Variants in CACUL1 observed in about 807,000 individuals in gnomAD.
CACUL1 encodes the protein CDK2-associated and cullin domain-containing protein 1.
CACUL1 carries 13 observed loss-of-function variants against 45.2 expected under a neutral mutation model. The observed-to-expected ratio is 0.29, with a 90% CI of 0.19 to 0.46. The LOEUF is 0.46. CACUL1 is among the 20% of genes least tolerant of loss of function. The probability of loss-of-function intolerance (pLI) is 1.00; values close to 1 mark genes in which losing one functional copy is unlikely to be tolerated. For missense variants in CACUL1, 421 were observed against 471.4 expected (o/e 0.89, Z 0.99); for synonymous variants, 197 against 174.2 (o/e 1.13, Z -1.03).
intron 1 of CACUL1, among the ~76,000 whole-genome samples, chr10:118,739,725 A>C (rs1239820466): frequency 6.6e-6 from 1 of 152,250 alleles, no homozygotes; most frequent in East Asian, 1.9e-4. Flanking sequence ...CACTGGCCCT[A>C]AGCAATAAAC....
At chr10:118,740,347 C>T (rs1845780400) in intron 1 of CACUL1, among the ~76,000 whole-genome samples, 1 of 152,078 alleles carries the variant, frequency 6.6e-6, no homozygotes. Context: ...CAGTGGCTCA[C>T]ACCTGTAATC....
chr10:118,715,168 C>T (rs933447370), intron 3 of CACUL1, among the ~76,000 whole-genome samples: 3 of 151,978 alleles, frequency 2.0e-5, no homozygotes, highest in African/African-American at 7.3e-5. Context: ...TTTCAGTTGT[C>T]CAGTTTAAAT....
intron 3 of CACUL1, among the ~76,000 whole-genome samples, chr10:118,715,839 G>T (rs951022684): frequency 6.6e-6 from 1 of 152,166 alleles, no homozygotes; most frequent in African/African-American, 2.4e-5. Flanking sequence ...AGACAAGAAG[G>T]GATGGAAGAG....
intron 3 of CACUL1, among the ~76,000 whole-genome samples, chr10:118,717,803 T>C (rs1845561738): frequency 6.6e-6 from 1 of 152,126 alleles, no homozygotes; most frequent in Non-Finnish European, 1.5e-5. Flanking sequence ...TTCCATGGGT[T>C]TCCACTGGGT....
At chr10:118,693,978 A>C (rs7923434) in intron 6 of CACUL1, among the ~76,000 whole-genome samples, 30 of 152,000 alleles carry the variant, frequency 2.0e-4, no homozygotes, top group African/African-American at 2.7e-4. Flanking sequence ...GCAGTGGTAC[A>C]ATCAGCTCAG....
chr10:118,704,749 A>G (rs1424714648), intron 4 of CACUL1, among the ~76,000 whole-genome samples: 2 of 152,240 alleles, frequency 1.3e-5, no homozygotes, highest in Non-Finnish European at 2.9e-5. Context: ...AGACTCAGAC[A>G]CAAGGTGGGG....
chr10:118,719,024 T>C (rs1163566374), intron 3 of CACUL1, among the ~76,000 whole-genome samples: 6 of 152,188 alleles, frequency 3.9e-5, no homozygotes, highest in Admixed American at 1.3e-4. Context: ...ACATTCAACA[T>C]GCACAGAGAT....
intron 3 of CACUL1, 29 bp downstream of exon 3, chr10:118,729,266 A>C (rs1375343512): frequency 3.3e-6 from 5 of 1,538,198 alleles, no homozygotes; most frequent in Non-Finnish European, 4.5e-6. Context: ...AACCCAAGGA[A>C]GCAAAAATCA....
Position 118,686,638 on chromosome 10 carries a change from AC to A in CACUL1, c.1028del (p.Gly343ValfsTer125). 1 of 1,612,734 alleles carries A rather than the reference AC, an allele frequency of 6.2e-7. No homozygotes were observed. The highest frequency in any genetic ancestry group is 8.5e-7 in the Non-Finnish European group (1 of 1,178,720). On this transcript the variant is annotated frameshift_variant and splice_region_variant, in exon 8 of 9. Transcript: ENST00000369151. LOFTEE classifies it high-confidence loss of function. ...CCCCAGCTCTCTTCCGGGACTGGTC[AC>A]CCCTGGGGATAAGAAGAGGCAGTCA... ...RELIQNGFTR[G>X]DQSRKRAGDE...
chr10:118,726,155 T>C (rs1845649830), intron 3 of CACUL1: 1 of 315,668 alleles, frequency 3.2e-6, no homozygotes, highest in Non-Finnish European at 6.1e-6. Flanking sequence ...AAAATGTTTC[T>C]GGCTCATAAA....
At chr10:118,707,625 C>T (rs1260283310) in intron 3 of CACUL1, 38 bp from the exon 4 acceptor site, 3 of 953,996 alleles carry the variant, frequency 3.1e-6, no homozygotes, top group South Asian at 1.5e-5. Context: ...ATCTGGGAAA[C>T]CAGGGAAAGA....
chr10:118,712,184 A>G (rs888655563), intron 3 of CACUL1, among the ~76,000 whole-genome samples: 1 of 152,152 alleles, frequency 6.6e-6, no homozygotes, highest in South Asian at 2.1e-4. Context: ...TGGCGCCTTT[A>G]CCTGAGTTTT....
chr10:118,721,608 C>T (rs1264540375), intron 3 of CACUL1, among the ~76,000 whole-genome samples: 1 of 151,916 alleles, frequency 6.6e-6, no homozygotes, highest in Non-Finnish European at 1.5e-5. Flanking sequence ...TCAACAGGAC[C>T]CTGAATGCAG....
intron 1 of CACUL1, among the ~76,000 whole-genome samples, chr10:118,746,882 C>T (rs562499400): frequency 7.2e-5 from 11 of 152,298 alleles, no homozygotes; most frequent in East Asian, 5.8e-4. Context: ...AGAGATACTA[C>T]GATTCTCTAG....
Position 118,754,702 on chromosome 10 carries a change from T to A in CACUL1, c.61A>T (p.Asn21Tyr). Residue 21 changes from asparagine (N) to tyrosine (Y), a missense_variant, in exon 1 of 9, where the codon AAC becomes TAC. Physicochemically the swap from Asn to Tyr is moderately radical, Grantham distance 143. Coordinates refer to ENST00000369151, the MANE Select transcript of CACUL1 (RefSeq NM_153810.5). ...GSYEAMMDDQ[N>Y]HNNWEAAVDG... ...ACCGCAGCCTCCCAGTTGTTGTGGT[T>A]CTGGTCGTCCATCATCGCCTCGTAG... is the stretch of plus-strand genomic sequence containing the variant. 1 of 1,607,364 alleles carries A rather than the reference T, an allele frequency of 6.2e-7. No individual in the cohort carries two copies. The highest frequency in any genetic ancestry group is 8.5e-7 in the Non-Finnish European group (1 of 1,177,484).
At chr10:118,746,624 T>A (rs1009713682) in intron 1 of CACUL1, among the ~76,000 whole-genome samples, 1 of 151,950 alleles carries the variant, frequency 6.6e-6, no homozygotes, top group Non-Finnish European at 1.5e-5. Flanking sequence ...CTGAAAAACA[T>A]GTACTCTTCA....
rs1203547419 is a variant in CACUL1, at chr10:118,686,632, C to CTGGTCACCCCTGGGGATAAGAAGAGGCAG, written c.1026-20_1034dup (p.Gln345HisfsTer133). On this transcript the variant is annotated frameshift_variant, in exon 8 of 9. Transcript: ENST00000369151. LOFTEE classifies it high-confidence loss of function. ...ACTCATCCCCAGCTCTCTTCCGGGACTGGTCACCCCTGGGGATAAGAAGAG... is the reference window on the plus strand; with the variant it reads ...ACTCATCCCCAGCTCTCTTCCGGGACTGGTCACCCCTGGGGATAAGAAGAGGCAGTGGTCACCCCTGGGGATAAGAAGAG... 1 of 1,613,042 alleles carries CTGGTCACCCCTGGGGATAAGAAGAGGCAG rather than the reference C, an allele frequency of 6.2e-7. No individual in the cohort carries two copies. Among genetic ancestry groups the CTGGTCACCCCTGGGGATAAGAAGAGGCAG allele is most frequent in the Non-Finnish European group, 8.5e-7 (1 of 1,178,992 alleles).
At chr10:118,729,747 T>G (rs547267869) in intron 2 of CACUL1, among the ~76,000 whole-genome samples, 55 of 151,994 alleles carry the variant, frequency 3.6e-4, no homozygotes, top group Middle Eastern at 3.4e-3. Flanking sequence ...GAAGAGAGAG[T>G]GGTTGATAAT....
chr10:118,704,425 G>A (rs1845414244), intron 4 of CACUL1, among the ~76,000 whole-genome samples: 1 of 152,152 alleles, frequency 6.6e-6, no homozygotes, highest in Non-Finnish European at 1.5e-5. Flanking sequence ...GATAGAGACA[G>A]AAGGCAGTCA....
Sources: gnomAD v4.1 joint callset for allele counts (sites outside exome capture counted in the v4.1 genomes callset) on GRCh38, gnomAD v4.1.1 for gene constraint, MANE v1.5 for transcripts, NCBI Gene and HGNC (gene_info 2026-07-23, HGNC 2026-07-21) for gene names.